Variants in DOCK2 observed in about 807,000 individuals in gnomAD.
DOCK2 encodes the protein dedicator of cytokinesis protein 2.
DOCK2 carries 87 observed loss-of-function variants against 248.9 expected under a neutral mutation model. The ratio of observed to expected loss-of-function variants is 0.35; its 90% CI spans 0.29 to 0.42. The LOEUF (loss-of-function observed/expected upper bound fraction) is 0.42, where lower values mean the gene tolerates loss of function less well. Among genes scored for constraint, DOCK2 ranks in the 10% least tolerant of loss-of-function variants. The pLI is 1.00. For synonymous variants in DOCK2, 805 were observed against 821.6 expected (o/e 0.98, Z 0.35); for missense variants, 1,747 against 2,300.2 (o/e 0.76, Z 4.92).
intron 28 of DOCK2, 102 bp downstream of exon 28, chr5:169,983,268 A>T: frequency 2.4e-6 from 3 of 1,228,514 alleles, no homozygotes; most frequent in Non-Finnish European, 3.6e-6. Flanking sequence ...CATAATCTAG[A>T]TATGACTTAA....
At chr5:169,907,637 G>GA (rs1200208281) in intron 27 of DOCK2, among the ~76,000 whole-genome samples, 2 of 152,164 alleles carry the variant, frequency 1.3e-5, no homozygotes, top group Non-Finnish European at 2.9e-5. Flanking sequence ...CTACACACAA[G>GA]AAAATTAAGG....
At chr5:169,879,927 AAG>A (rs1199177780) in intron 27 of DOCK2, among the ~76,000 whole-genome samples, 1 of 152,246 alleles carries the variant, frequency 6.6e-6, no homozygotes, top group African/African-American at 2.4e-5. Context: ...TCCGGAAAAG[AAG>A]AGAGACTATC....
chr5:169,928,984 G>A (rs1025040073), intron 27 of DOCK2, among the ~76,000 whole-genome samples: 7 of 152,196 alleles, frequency 4.6e-5, no homozygotes, highest in African/African-American at 1.7e-4. Context: ...GGCCAAACAT[G>A]TAGGATGAGG....
At chr5:169,777,184 G>C (rs547410490) in intron 25 of DOCK2, among the ~76,000 whole-genome samples, 20 of 152,286 alleles carry the variant, frequency 1.3e-4, no homozygotes, top group Middle Eastern at 3.4e-3. Context: ...CACACACACA[G>C]AGGATTTTGC....
rs993418598 is a variant in DOCK2 at position 169,654,613 on chromosome 5, G to A, written c.127+127G>A. The A allele has an allele frequency of 2.3e-5, 20 of 856,830 alleles. No individual in the cohort carries two copies. The East Asian group carries it at 2.5e-4, about 11-fold the overall frequency. The allele number at this position is 856,830 out of a possible 1,614,324, so 53.1% of individuals were successfully genotyped here. On this transcript the variant is annotated intron_variant, in intron 2 of 51. Coordinates refer to ENST00000520908, the MANE Select transcript of DOCK2 (RefSeq NM_004946.3). ...GTCTATTTAAAAACGTTTTGGTAAC[G>A]CTAGTAATTAGAATTTACTAAACAG...
At chr5:169,716,570 T>C (rs1181520935) in intron 20 of DOCK2, among the ~76,000 whole-genome samples, 3 of 152,256 alleles carry the variant, frequency 2.0e-5, no homozygotes, top group Non-Finnish European at 4.4e-5. Flanking sequence ...TACATGAGGC[T>C]GGATATTGTG....
intron 13 of DOCK2, 104 bp from the exon 14 acceptor site, chr5:169,702,199 T>A: frequency 1.4e-6 from 2 of 1,404,870 alleles, no homozygotes; most frequent in Non-Finnish European, 9.6e-7. Context: ...TTAATACCAA[T>A]CCAGGTGGGA....
intron 25 of DOCK2, among the ~76,000 whole-genome samples, chr5:169,787,700 C>T (rs1428477156): frequency 1.5e-5 from 2 of 134,856 alleles, no homozygotes; most frequent in Admixed American, 1.7e-4. Flanking sequence ...TCCTCCTCCA[C>T]TTTTGCTTTT....
intron 27 of DOCK2, among the ~76,000 whole-genome samples, chr5:169,921,167 TG>T (rs1775155082): frequency 1.3e-5 from 2 of 152,198 alleles, no homozygotes; most frequent in Non-Finnish European, 2.9e-5. Flanking sequence ...GAAAAGTGTC[TG>T]GATGGATAGG....
intron 50 of DOCK2, chr5:170,081,028 GCT>G (rs1179756632): frequency 6.6e-6 from 1 of 152,438 alleles, no homozygotes; most frequent in African/African-American, 2.4e-5. Flanking sequence ...TGCGCCAACT[GCT>G]ACTCCTTCTT....
rs117378016 is a variant in DOCK2 at position 169,738,825 on chromosome 5, T to C, written c.2268-8571T>C. Among the ~76,000 whole-genome samples the C allele has an allele frequency of 2.3e-3, 355 of 152,232 alleles. 6 individuals carry two copies. The East Asian group carries it at 0.049, about 21-fold the overall frequency. ...ACAGGAGTGATCTAAAGTCTGAATG[T>C]CTGTAAATGCTAGTCTGGTTTAGAA... On this transcript the variant is annotated intron_variant, in intron 22 of 51. Transcript: ENST00000520908.
intron 22 of DOCK2, among the ~76,000 whole-genome samples, chr5:169,732,309 C>T (rs530984599): frequency 1.3e-5 from 2 of 152,064 alleles, no homozygotes; most frequent in African/African-American, 2.4e-5. Context: ...TTCCTCATAC[C>T]GTTATTTTCT....
At chr5:169,795,982 T>G (rs1656333683) in intron 25 of DOCK2, among the ~76,000 whole-genome samples, 1 of 152,200 alleles carries the variant, frequency 6.6e-6, no homozygotes, top group African/African-American at 2.4e-5. Context: ...AATTTCACCT[T>G]AAAGTCTGTG....
intron 26 of DOCK2, among the ~76,000 whole-genome samples, chr5:169,822,071 A>G (rs1297089167): frequency 1.3e-5 from 2 of 152,256 alleles, no homozygotes; most frequent in South Asian, 2.1e-4. Context: ...AGAGCTAACT[A>G]TCCTAAATAT....
chr5:169,850,161 G>C (rs554567855), intron 27 of DOCK2, among the ~76,000 whole-genome samples: 1 of 152,162 alleles, frequency 6.6e-6, no homozygotes, highest in Non-Finnish European at 1.5e-5. Context: ...TTTATGGACC[G>C]TTTATGTGAC....
chr5:169,902,500 T>A (rs1197056261), intron 27 of DOCK2, among the ~76,000 whole-genome samples: 1 of 152,190 alleles, frequency 6.6e-6, no homozygotes, highest in Non-Finnish European at 1.5e-5. Context: ...CCACAGGCTA[T>A]TAAGGTCAAG....
At chr5:169,998,117 A>C (rs1040930261) in intron 30 of DOCK2, 2 of 451,676 alleles carry the variant, frequency 4.4e-6, no homozygotes, top group Non-Finnish European at 8.9e-6. Context: ...CTCACTCCAC[A>C]GTCATTATGC....
At chr5:170,077,952 T>C in intron 48 of DOCK2, 115 bp downstream of exon 48, 4 of 875,350 alleles carry the variant, frequency 4.6e-6, no homozygotes, top group Non-Finnish European at 6.9e-6. Flanking sequence ...CTCCTTTCAG[T>C]TTAAAAGCCT....
At chr5:170,063,847 C>T (rs913646026) in intron 44 of DOCK2, among the ~76,000 whole-genome samples, 2 of 152,206 alleles carry the variant, frequency 1.3e-5, no homozygotes, top group Non-Finnish European at 2.9e-5. Flanking sequence ...CGGCCTGAAC[C>T]TGAGTCTAGG....
Sources: gnomAD v4.1 joint callset for allele counts (sites outside exome capture counted in the v4.1 genomes callset) on GRCh38, gnomAD v4.1.1 for gene constraint, MANE v1.5 for transcripts, NCBI Gene and HGNC (gene_info 2026-07-23, HGNC 2026-07-21) for gene names.